Variants in ZDHHC14 observed in about 807,000 individuals in gnomAD.
ZDHHC14 encodes the protein palmitoyltransferase ZDHHC14.
In ZDHHC14, 16 loss-of-function variants were observed where a neutral mutation model predicts 47.7. The ratio of observed to expected loss-of-function variants is 0.34; its 90% CI spans 0.23 to 0.51. The LOEUF is 0.51. Ranked by LOEUF, ZDHHC14 falls within the 20% of genes least tolerant of loss-of-function variation. The probability of loss-of-function intolerance (pLI) is 0.97; values close to 1 mark genes in which losing one functional copy is unlikely to be tolerated. For missense variants in ZDHHC14, 515 were observed against 662.5 expected (o/e 0.78, Z 2.44); for synonymous variants, 293 against 278.9 (o/e 1.05, Z -0.50).
intron 3 of ZDHHC14, among the ~76,000 whole-genome samples, chr6:157,597,428 G>A (rs1039607895): frequency 5.9e-5 from 9 of 152,226 alleles, no homozygotes; most frequent in African/African-American, 1.4e-4. Flanking sequence ...GCTGGAATGC[G>A]TATTTTTAGT....
At chr6:157,601,656 C>T (rs1037928604) in intron 3 of ZDHHC14, among the ~76,000 whole-genome samples, 2 of 152,066 alleles carry the variant, frequency 1.3e-5, no homozygotes, top group African/African-American at 4.8e-5. Context: ...AAACAACAAA[C>T]AATAACATTT....
chr6:157,560,662 A>G (rs1782673817), intron 2 of ZDHHC14, among the ~76,000 whole-genome samples: 1 of 152,228 alleles, frequency 6.6e-6, no homozygotes, highest in South Asian at 2.1e-4. Flanking sequence ...AGAAGAAAAA[A>G]AATCAGTAAA....
intron 1 of ZDHHC14, among the ~76,000 whole-genome samples, chr6:157,412,705 G>A (rs188517827): frequency 7.1e-4 from 108 of 152,356 alleles, no homozygotes; most frequent in African/African-American, 2.3e-3. Flanking sequence ...GGAGAATGAG[G>A]AGTAATAAGC....
chr6:157,546,287 C>G (rs1199140903), intron 2 of ZDHHC14, among the ~76,000 whole-genome samples: 1 of 152,140 alleles, frequency 6.6e-6, no homozygotes, highest in Non-Finnish European at 1.5e-5. Context: ...TGCTATCTGG[C>G]TAAAGAAAGA....
In ZDHHC14 at chr6:157,634,919, G is replaced by A. The variant is rs150237468; in HGVS notation, c.752+2037G>A. Among the ~76,000 whole-genome samples, 98 of 152,202 alleles carry A rather than the reference G, an allele frequency of 6.4e-4. No homozygotes were observed. The South Asian group carries it at 6.7e-3, about 10-fold the overall frequency. ...CCTGCTGGCGGCTTCTGCTCCGTAC[G>A]TGTCCCCTGGGAGCCACCCTTCAGG... is the stretch of plus-strand genomic sequence containing the variant. On this transcript the variant is annotated intron_variant, in intron 5 of 8. Transcript: ENST00000359775.
chr6:157,387,410 C>A (rs1777335823), intron 1 of ZDHHC14, among the ~76,000 whole-genome samples: 1 of 152,128 alleles, frequency 6.6e-6, no homozygotes, highest in African/African-American at 2.4e-5. Flanking sequence ...TATAATAACC[C>A]CATATTTTCT....
At chr6:157,487,046 A>C (rs1247548908) in intron 1 of ZDHHC14, among the ~76,000 whole-genome samples, 1 of 152,242 alleles carries the variant, frequency 6.6e-6, no homozygotes, top group Non-Finnish European at 1.5e-5. Context: ...CTGGACACAT[A>C]AGTAATAATT....
chr6:157,402,451 C>T (rs1410949786), intron 1 of ZDHHC14, among the ~76,000 whole-genome samples: 1 of 150,724 alleles, frequency 6.6e-6, no homozygotes, highest in Non-Finnish European at 1.5e-5. Context: ...TAGTGAAATG[C>T]GCACCTGCTG....
At position 157,382,349 on chromosome 6, in the gene ZDHHC14, T is replaced by G. The variant is rs190629828; in HGVS notation, c.245+83T>G. The G allele has an allele frequency of 1.2e-5, 18 of 1,502,768 alleles. No homozygotes were observed. The East Asian group carries it at 4.2e-4, about 35-fold the overall frequency. 93.1% of individuals were successfully genotyped at this position (1,502,768 alleles called of 1,614,324 possible). ...GCCCCTCCTCGGGCTGCTTTCGTTT[T>G]CTAGAAGTCTTATCTACTGTAAATT... On this transcript the variant is annotated intron_variant, in intron 1 of 8. Transcript: ENST00000359775.
intron 1 of ZDHHC14, among the ~76,000 whole-genome samples, chr6:157,416,413 A>G (rs1417710072): frequency 6.6e-6 from 1 of 152,130 alleles, no homozygotes; most frequent in Non-Finnish European, 1.5e-5. Flanking sequence ...CTGTAATCCC[A>G]GCACATTAGG....
intron 1 of ZDHHC14, among the ~76,000 whole-genome samples, chr6:157,442,714 G>A (rs994149439): frequency 3.9e-5 from 6 of 152,226 alleles, no homozygotes; most frequent in African/African-American, 1.4e-4. Context: ...GGTGGCCCAA[G>A]TCTGAAGCCC....
At chr6:157,471,608 G>C (rs1002415279) in intron 1 of ZDHHC14, among the ~76,000 whole-genome samples, 1 of 152,238 alleles carries the variant, frequency 6.6e-6, no homozygotes, top group Non-Finnish European at 1.5e-5. Flanking sequence ...GCCCGAAATA[G>C]CTGGGAAAAT....
intron 8 of ZDHHC14, among the ~76,000 whole-genome samples, chr6:157,660,188 C>CTT (rs397799133): frequency 3.5e-5 from 3 of 86,658 alleles, no homozygotes; most frequent in Admixed American, 1.0e-4. Context: ...TTCTTTTTTT[C>CTT]TTTTTTTTTT....
chr6:157,553,903 C>T (rs946053338), intron 2 of ZDHHC14, among the ~76,000 whole-genome samples: 5 of 152,150 alleles, frequency 3.3e-5, no homozygotes, highest in South Asian at 4.1e-4. Context: ...GAGGTGCCAC[C>T]GGGATGAGTG....
At chr6:157,490,258 G>A (rs1369971423) in intron 1 of ZDHHC14, among the ~76,000 whole-genome samples, 1 of 152,164 alleles carries the variant, frequency 6.6e-6, no homozygotes, top group Non-Finnish European at 1.5e-5. Flanking sequence ...TATAAGCGTT[G>A]TTCATTCACG....
At chr6:157,652,469 C>G (rs1341993389) in intron 7 of ZDHHC14, among the ~76,000 whole-genome samples, 1 of 152,138 alleles carries the variant, frequency 6.6e-6, no homozygotes, top group Non-Finnish European at 1.5e-5. Context: ...CAGGGATACT[C>G]ACTTATTAGC....
At chr6:157,476,396 A>G (rs1211758941) in intron 1 of ZDHHC14, among the ~76,000 whole-genome samples, 3 of 152,200 alleles carry the variant, frequency 2.0e-5, no homozygotes, top group Non-Finnish European at 2.9e-5. Context: ...ATGAGTAAAA[A>G]CATTGAATCA....
intron 2 of ZDHHC14, among the ~76,000 whole-genome samples, chr6:157,568,223 G>GT (rs1782977914): frequency 6.6e-6 from 1 of 152,020 alleles, no homozygotes; most frequent in Admixed American, 6.6e-5. Context: ...AAAAGCGATA[G>GT]TTTTTTCTCA....
At chr6:157,441,200 T>A (rs1778554500) in intron 1 of ZDHHC14, among the ~76,000 whole-genome samples, 1 of 152,154 alleles carries the variant, frequency 6.6e-6, no homozygotes, top group Non-Finnish European at 1.5e-5. Flanking sequence ...TAAGAGATAG[T>A]GTTTTGTCTG....
Sources: allele counts gnomAD v4.1 joint callset (sites outside exome capture counted in the v4.1 genomes callset), GRCh38; gene constraint gnomAD v4.1.1; transcripts MANE v1.5; gene names NCBI Gene and HGNC (gene_info 2026-07-23, HGNC 2026-07-21).